ARHGEF16: variants seen among roughly 807,000 people sequenced by gnomAD.
The protein encoded by ARHGEF16 is Rho guanine nucleotide exchange factor 16, also known as Rho guanine exchange factor (GEF) 16.
A neutral mutation model predicts 74.1 loss-of-function variants in ARHGEF16; 59 were observed. That is an observed-to-expected ratio of 0.80 (90% confidence interval 0.65 to 0.99). The LOEUF (loss-of-function observed/expected upper bound fraction) is 0.99. Among genes scored for constraint, ARHGEF16 ranks in the 50% least tolerant of loss-of-function variants. The probability of loss-of-function intolerance (pLI) is 0.00; values close to 1 mark genes in which losing one functional copy is unlikely to be tolerated. For synonymous variants in ARHGEF16, 415 were observed against 412.6 expected, an observed-to-expected ratio of 1.01 and a Z score of -0.07; for missense variants, 948 against 986.6, an observed-to-expected ratio of 0.96 and a Z score of 0.52.
chr1:3,461,093 G>A (rs887237318), intron 1 of ARHGEF16, among the ~76,000 whole-genome samples: 2 of 152,196 alleles, frequency 1.3e-5, no homozygotes, highest in Admixed American at 6.5e-5. Context: ...GTTTCCACCC[G>A]CAAGAGACTC....
intron 2 of ARHGEF16, 177 bp from the exon 3 acceptor site, chr1:3,465,971 C>T (rs764097652): frequency 3.0e-6 from 2 of 661,120 alleles, no homozygotes; most frequent in Admixed American, 3.0e-5. Context: ...GCTCTGAGCC[C>T]TCCTCCCACC....
At chr1:3,466,725 A>G (rs532605055) in intron 3 of ARHGEF16, among the ~76,000 whole-genome samples, 2 of 152,268 alleles carry the variant, frequency 1.3e-5, no homozygotes, top group East Asian at 3.9e-4. Context: ...ATTAGAGGCA[A>G]TGAAGCCCGG....
At chr1:3,459,956 G>A (rs1256168937) in intron 1 of ARHGEF16, among the ~76,000 whole-genome samples, 1 of 152,228 alleles carries the variant, frequency 6.6e-6, no homozygotes, top group East Asian at 1.9e-4. Flanking sequence ...GTGGCCTCCG[G>A]GGATCAGGGC....
intron 2 of ARHGEF16, among the ~76,000 whole-genome samples, chr1:3,465,572 G>A (rs1227829996): frequency 7.7e-6 from 1 of 129,572 alleles, no homozygotes; most frequent in African/African-American, 2.6e-5. Context: ...AACTCGTTCC[G>A]AGAAATCAGC....
chr1:3,479,506 C>G lies in ARHGEF16; in HGVS notation c.1815-11C>G. 2 of 1,612,396 alleles carry G rather than the reference C, an allele frequency of 1.2e-6. 1 individual carries two copies. Among genetic ancestry groups the G allele is most frequent in the South Asian group, 2.2e-5 (2 of 91,016 alleles). ...TCTCCAGGCCTGGCTCATGCTGTCT[C>G]TGGTCCCCAGGAGTGACCGGGCACG... On this transcript the variant is annotated splice_polypyrimidine_tract_variant and intron_variant, in intron 12 of 14. Coordinates refer to ENST00000378378, the MANE Select transcript of ARHGEF16 (RefSeq NM_014448.4).
chr1:3,477,793 AC>A, intron 10 of ARHGEF16, 81 bp from the exon 11 acceptor site: 9 of 1,348,588 alleles, frequency 6.7e-6, no homozygotes, highest in Non-Finnish European at 9.4e-6. Context: ...TGCGTCCTTG[AC>A]CCCCTGGGGA....
At chr1:3,462,752 G>A (rs1276182958) in intron 1 of ARHGEF16, among the ~76,000 whole-genome samples, 2 of 152,184 alleles carry the variant, frequency 1.3e-5, no homozygotes, top group East Asian at 1.9e-4. Context: ...AAGCAGTGTG[G>A]CCTCCCAACC....
At chr1:3,469,405 T>TG (rs760180977) in intron 5 of ARHGEF16, 28 bp from the exon 6 acceptor site, 1 of 1,611,318 alleles carries the variant, frequency 6.2e-7, no homozygotes, top group Admixed American at 1.7e-5. Flanking sequence ...AGCGTCACTG[T>TG]GGGGCTCACC....
chr1:3,477,347 C>T (rs1464433907), intron 10 of ARHGEF16, among the ~76,000 whole-genome samples: 1 of 9,562 alleles, frequency 1.0e-4, no homozygotes, highest in Non-Finnish European at 2.3e-4. Flanking sequence ...ACTGCCCACC[C>T]TCTGGCCTTT....
At position 3,479,546 on chromosome 1, in the gene ARHGEF16, T is replaced by C. The variant is rs2100763314; in HGVS notation, c.1844T>C (p.Leu615Pro). The C allele has an allele frequency of 6.2e-7, 1 of 1,612,526 alleles. No individual in the cohort carries two copies. The highest frequency in any genetic ancestry group is 2.2e-5 in the East Asian group (1 of 44,860). The change falls in exon 13 of 15, where the codon CTC becomes CCC. Residue 615 changes from leucine (L) to proline (P), a missense_variant. Physicochemically the swap from Leu to Pro is moderately conservative, Grantham distance 98. Transcript: ENST00000378378. ...GACCGGGCACGGTGGATCGTGGCGC[T>C]CACACACAGTGAGAGACAGTGGCAG... ...ASDRARWIVA[L>P]THSERQWQGL... is the part of the protein sequence containing the mutation.
At chr1:3,460,015 G>A (rs182099957) in intron 1 of ARHGEF16, among the ~76,000 whole-genome samples, 5 of 152,340 alleles carry the variant, frequency 3.3e-5, no homozygotes, top group Admixed American at 3.3e-4. Flanking sequence ...TTTGGTGCTC[G>A]TTGACTTTTG....
At chr1:3,466,286 T>A in intron 3 of ARHGEF16, 93 bp downstream of exon 3, 1 of 1,364,444 alleles carries the variant, frequency 7.3e-7, no homozygotes, top group Non-Finnish European at 9.9e-7. Context: ...CTCAGTTTGG[T>A]GTCTCGGGGT....
chr1:3,479,175 G>A (rs1639984220), intron 12 of ARHGEF16, among the ~76,000 whole-genome samples: 1 of 152,244 alleles, frequency 6.6e-6, no homozygotes, highest in Non-Finnish European at 1.5e-5. Context: ...AGCTCGTCTT[G>A]ACTGAGGACA....
rs193254384 is a variant in ARHGEF16 at position 3,468,923 on chromosome 1, G to A, written c.848G>A (p.Arg283Gln). 33 of 1,550,274 alleles carry A rather than the reference G, an allele frequency of 2.1e-5. 1 individual carries two copies. The highest frequency in any genetic ancestry group is 9.8e-5 in the Admixed American group (5 of 51,004). ...CTGGACCAGCTCTCCACTGAGGAGCGGAAAAGGCAGGAGGTAAAAGGGCCC... is the reference window on the plus strand; with the variant it reads ...CTGGACCAGCTCTCCACTGAGGAGCAGAAAAGGCAGGAGGTAAAAGGGCCC... ...GILDQLSTEE[R>Q]KRQEAMFEIL... Residue 283 changes from arginine to glutamine, a missense_variant, in exon 5 of 15, where the codon CGG (arginine) becomes CAG (glutamine). Coordinates refer to ENST00000378378, the MANE Select transcript of ARHGEF16 (RefSeq NM_014448.4).
At chr1:3,457,959 A>C (rs916770719) in intron 1 of ARHGEF16, among the ~76,000 whole-genome samples, 2 of 152,168 alleles carry the variant, frequency 1.3e-5, no homozygotes, top group East Asian at 3.9e-4. Context: ...GAAGTCGCCC[A>C]AAAAGTGGCA....
chr1:3,474,638 G>A, intron 8 of ARHGEF16, 70 bp from the exon 9 acceptor site: 3 of 1,454,182 alleles, frequency 2.1e-6, no homozygotes, highest in Non-Finnish European at 1.9e-6. Flanking sequence ...ACGGGGTCTG[G>A]CGTTGGTGGG....
intron 6 of ARHGEF16, among the ~76,000 whole-genome samples, chr1:3,470,259 GGGGTGTGTATGCATGGGCAA>G (rs1194482657): frequency 3.9e-4 from 60 of 152,034 alleles, no homozygotes; most frequent in Admixed American, 7.2e-4. Flanking sequence ...TGTGGGGGCA[GGGGTGTGTATGCATGGGCAA>G]GGGTGTGTAT....
At chr1:3,462,762 C>T (rs181505806) in intron 1 of ARHGEF16, among the ~76,000 whole-genome samples, 5 of 152,342 alleles carry the variant, frequency 3.3e-5, no homozygotes, top group African/African-American at 9.6e-5. Flanking sequence ...GCCTCCCAAC[C>T]TCCAAGGTCC....
chr1:3,463,129 G>A lies in ARHGEF16; in HGVS notation c.45G>A (p.Leu15=). 2 of 1,480,772 alleles carry A rather than the reference G, an allele frequency of 1.4e-6. No homozygotes were observed. Among genetic ancestry groups the A allele is most frequent in the Non-Finnish European group, 1.8e-6 (2 of 1,110,364 alleles). The allele number at this position is 1,480,772 out of a possible 1,614,324, so 91.7% of individuals were successfully genotyped here. The change falls in exon 2 of 15, where the codon CTG becomes CTA. Residue 15 remains leucine, a synonymous_variant. Coordinates refer to ENST00000378378, the MANE Select transcript of ARHGEF16 (RefSeq NM_014448.4). Reference sequence around the variant, plus strand: ...ACAGCTCCTTGGAGGAGAAGCTCCTGGGACACCGCTTCCACTCGGAGCTCC... The same window carrying A: ...ACAGCTCCTTGGAGGAGAAGCTCCTAGGACACCGCTTCCACTCGGAGCTCC... The part of the protein sequence containing the change: ...HSDSSLEEKL[L]GHRFHSELRL...
Sources: allele counts gnomAD v4.1 joint callset (sites outside exome capture counted in the v4.1 genomes callset), GRCh38; gene constraint gnomAD v4.1.1; transcripts MANE v1.5; gene names NCBI Gene and HGNC (gene_info 2026-07-23, HGNC 2026-07-21).